Variants in TFCP2L1 observed in about 807,000 individuals in gnomAD.
The protein encoded by TFCP2L1 is transcription factor CP2 like 1.
A neutral mutation model predicts 72.2 loss-of-function variants in TFCP2L1; 12 were observed. That is an observed-to-expected ratio of 0.17 (90% confidence interval 0.11 to 0.27). The LOEUF is 0.27. Among genes scored for constraint, TFCP2L1 ranks in the 10% least tolerant of loss-of-function variants. The pLI is 1.00. For missense variants in TFCP2L1, 488 were observed against 624.6 expected, an observed-to-expected ratio of 0.78 and a Z score of 2.33; for synonymous variants, 260 against 251.0, an observed-to-expected ratio of 1.04 and a Z score of -0.34.
intron 2 of TFCP2L1, among the ~76,000 whole-genome samples, chr2:121,276,989 T>C (rs1687161018): frequency 6.6e-6 from 1 of 151,644 alleles, no homozygotes; most frequent in African/African-American, 2.4e-5. Flanking sequence ...TAAATATAGT[T>C]ATCACCCAAC....
rs775800832 is a variant in TFCP2L1 at position 121,237,586 on chromosome 2, T to C, written c.1003+37A>G. 5 of 1,609,888 alleles carry C rather than the reference T, an allele frequency of 3.1e-6. 1 individual carries two copies. In the South Asian group the frequency reaches 4.4e-5, roughly 14 times the overall value. The stretch of plus-strand genomic sequence containing the variant: ...GGCCAGCCTTGAAGTGTCTCCAAGA[T>C]ACTCATGGGCTTTAAACACAGTTCG... On this transcript the variant is annotated intron_variant, in intron 10 of 14. Transcript: ENST00000263707.
Position 121,224,092 on chromosome 2 carries a change from A to G in TFCP2L1, c.*249T>C, listed in dbSNP as rs1190517028. 1.8e-6 allele frequency: 1 copy of G among 569,512 alleles called. No individual in the cohort carries two copies. Among genetic ancestry groups the G allele is most frequent in the Non-Finnish European group, 3.1e-6 (1 of 319,296 alleles). 35.3% of individuals were successfully genotyped at this position (569,512 alleles called of 1,614,324 possible). A position where few individuals can be genotyped will look rare whatever the true frequency, so the allele number is the denominator to read the frequency against. ...AGAACGTCAGGGTTGGACCAATAGAAAAGAACAAGGAACCATTCAAAATCT... is the reference window on the plus strand; with the variant it reads ...AGAACGTCAGGGTTGGACCAATAGAGAAGAACAAGGAACCATTCAAAATCT... On this transcript the variant is annotated 3_prime_UTR_variant, in exon 15 of 15. Transcript: ENST00000263707.
chr2:121,242,028 T>G (rs1686380879), intron 7 of TFCP2L1, among the ~76,000 whole-genome samples: 1 of 149,028 alleles, frequency 6.7e-6, no homozygotes, highest in Admixed American at 6.7e-5. Context: ...ATATTTTCTG[T>G]TGTACACTCT....
At chr2:121,232,178 G>A (rs1423757281) in intron 12 of TFCP2L1, among the ~76,000 whole-genome samples, 1 of 151,544 alleles carries the variant, frequency 6.6e-6, no homozygotes, top group Non-Finnish European at 1.5e-5. Context: ...TCGCTCTGTC[G>A]CCTAAGCTGG....
At chr2:121,229,316 T>G (rs1686095292) in intron 13 of TFCP2L1, among the ~76,000 whole-genome samples, 1 of 152,124 alleles carries the variant, frequency 6.6e-6, no homozygotes. Flanking sequence ...TAACAGAAAC[T>G]ATTCCAGGAG....
rs1235376838 is a variant in TFCP2L1 at position 121,285,163 on chromosome 2, G to A, written c.-54C>T. On this transcript the variant is annotated 5_prime_UTR_variant, in exon 1 of 15. Coordinates refer to ENST00000263707, the MANE Select transcript of TFCP2L1 (RefSeq NM_014553.3). ...GCGCGGCAGCAAGCGCAGACGCGGG[G>A]CGCGCCGAGGACCCAGCGGCGGCTT... 5.7e-6 allele frequency: 8 copies of A among 1,400,046 alleles called. No individual in the cohort carries two copies. The highest frequency in any genetic ancestry group is 7.5e-6 in the Non-Finnish European group (8 of 1,071,304). 86.7% of individuals were successfully genotyped at this position (1,400,046 alleles called of 1,614,324 possible).
rs539178625 is a variant in TFCP2L1, at chr2:121,277,247, C to A, written c.214+3873G>T. Among the ~76,000 whole-genome samples the A allele has an allele frequency of 3.9e-5, 6 of 152,278 alleles. No individual in the cohort carries two copies. The South Asian group carries it at 1.2e-3, about 32-fold the overall frequency. On this transcript the variant is annotated intron_variant, in intron 2 of 14. Coordinates refer to ENST00000263707, the MANE Select transcript of TFCP2L1 (RefSeq NM_014553.3). Reference sequence around the variant, plus strand: ...AGGGGTGGTGGTACACACCTATAGTCACAGCTACTCAGGAAGCTGAGGAGG... The same window carrying A: ...AGGGGTGGTGGTACACACCTATAGTAACAGCTACTCAGGAAGCTGAGGAGG...
intron 12 of TFCP2L1, among the ~76,000 whole-genome samples, chr2:121,232,617 T>C (rs1325671163): frequency 6.6e-6 from 1 of 152,202 alleles, no homozygotes; most frequent in East Asian, 1.9e-4. Context: ...CTGTCCCTTT[T>C]CAGCTCTTTT....
intron 2 of TFCP2L1, among the ~76,000 whole-genome samples, chr2:121,271,270 G>A (rs2104752364): frequency 6.6e-6 from 1 of 151,462 alleles, no homozygotes; most frequent in East Asian, 1.9e-4. Flanking sequence ...GTCTTAAAAA[G>A]CAAAAGGTAC....
At chr2:121,232,225 A>G (rs961349237) in intron 12 of TFCP2L1, among the ~76,000 whole-genome samples, 1 of 151,662 alleles carries the variant, frequency 6.6e-6, no homozygotes, top group African/African-American at 2.4e-5. Flanking sequence ...TGCAACCTCC[A>G]TCTCCTAGAT....
At chr2:121,278,798 G>C (rs564381996) in intron 2 of TFCP2L1, among the ~76,000 whole-genome samples, 1 of 151,958 alleles carries the variant, frequency 6.6e-6, no homozygotes, top group South Asian at 2.1e-4. Context: ...GAGGCCAGGA[G>C]TTCAAGACCA....
In TFCP2L1 at chr2:121,217,129, G is replaced by A. The variant is rs1685850166; in HGVS notation, c.*7212C>T. ...TGGGATCCGGACTGGACACCAGGAA[G>A]CTCAACCTGGCTCGGGCCATCAGTA... On this transcript the variant is annotated 3_prime_UTR_variant, in exon 15 of 15. Coordinates refer to ENST00000263707, the MANE Select transcript of TFCP2L1 (RefSeq NM_014553.3). 6.6e-6 allele frequency: 1 copy of A among 152,294 alleles called. No individual in the cohort carries two copies. The highest frequency in any genetic ancestry group is 2.4e-5 in the African/African-American group (1 of 41,474). The allele number at this position is 152,294 out of a possible 1,614,324, so 9.4% of individuals were successfully genotyped here. A position where few individuals can be genotyped will look rare whatever the true frequency, so the allele number is the denominator to read the frequency against.
At chr2:121,244,819 A>G (rs953303948) in intron 6 of TFCP2L1, among the ~76,000 whole-genome samples, 3 of 152,168 alleles carry the variant, frequency 2.0e-5, no homozygotes, top group Non-Finnish European at 4.4e-5. Flanking sequence ...CGGTCTGTAC[A>G]TGAGGGGAGG....
chr2:121,239,832 G>A (rs1686328631), intron 7 of TFCP2L1, among the ~76,000 whole-genome samples, 183 bp from the exon 8 acceptor site: 2 of 152,312 alleles, frequency 1.3e-5, no homozygotes, highest in African/African-American at 4.8e-5. Flanking sequence ...CCACATGAAG[G>A]AAACCAGCAG....
At chr2:121,259,374 G>A (rs1470709777) in intron 2 of TFCP2L1, among the ~76,000 whole-genome samples, 1 of 151,890 alleles carries the variant, frequency 6.6e-6, no homozygotes, top group Non-Finnish European at 1.5e-5. Context: ...CATATCGATA[G>A]CTATCCCTAT....
intron 1 of TFCP2L1, 120 bp from the exon 2 acceptor site, chr2:121,281,391 T>TG: frequency 8.8e-7 from 1 of 1,137,864 alleles, no homozygotes; most frequent in Non-Finnish European, 1.2e-6. Context: ...GGCACGCGCA[T>TG]CGCAGGGTGC....
intron 2 of TFCP2L1, among the ~76,000 whole-genome samples, chr2:121,258,860 T>C (rs568549889): frequency 2.6e-5 from 4 of 152,300 alleles, no homozygotes; most frequent in African/African-American, 9.6e-5. Context: ...GGGTATTATA[T>C]TGATGTTAAA....
intron 2 of TFCP2L1, among the ~76,000 whole-genome samples, chr2:121,256,089 A>T (rs1351098667): frequency 6.6e-6 from 1 of 152,074 alleles, no homozygotes; most frequent in Non-Finnish European, 1.5e-5. Flanking sequence ...TCTTCTACAC[A>T]TCTAAACCCT....
Position 121,269,846 on chromosome 2 carries a change from T to A in TFCP2L1, c.214+11274A>T, listed in dbSNP as rs533879077. On this transcript the variant is annotated intron_variant, in intron 2 of 14. Coordinates refer to ENST00000263707, the MANE Select transcript of TFCP2L1 (RefSeq NM_014553.3). ...ATCACTTGAACCTGGGAGACAGAGG[T>A]TGCAGTGAGCAGAGATTGCGCCACT... Among the ~76,000 whole-genome samples, 4 of 144,924 alleles carry A rather than the reference T, an allele frequency of 2.8e-5. No homozygotes were observed. The South Asian group carries it at 8.7e-4, about 31-fold the overall frequency.
Sources: allele counts gnomAD v4.1 joint callset (sites outside exome capture counted in the v4.1 genomes callset), GRCh38; gene constraint gnomAD v4.1.1; transcripts MANE v1.5; gene names NCBI Gene and HGNC (gene_info 2026-07-23, HGNC 2026-07-21).